Variants in SLC2A14 observed in about 807,000 individuals in gnomAD.
The protein encoded by SLC2A14 is solute carrier family 2, facilitated glucose transporter member 14.
In SLC2A14, 13 loss-of-function variants were observed where a neutral mutation model predicts 43.0. That is an observed-to-expected ratio of 0.30 (90% CI 0.20 to 0.48). The LOEUF (loss-of-function observed/expected upper bound fraction) is 0.48, where lower values mean the gene tolerates loss of function less well. Among genes scored for constraint, SLC2A14 ranks in the 20% least tolerant of loss-of-function variants. SLC2A14 has a pLI of 0.99. For synonymous variants in SLC2A14, 190 were observed against 233.8 expected, an observed-to-expected ratio of 0.81 and a Z score of 1.71; for missense variants, 428 against 620.4, an observed-to-expected ratio of 0.69 and a Z score of 3.29.
intron 7 of SLC2A14, among the ~76,000 whole-genome samples, chr12:7,822,830 C>T (rs1448607961): frequency 6.6e-6 from 1 of 152,132 alleles, no homozygotes; most frequent in Non-Finnish European, 1.5e-5. Flanking sequence ...TAGGCATGTG[C>T]CATCAGGCCC....
upstream of SLC2A14, among the ~76,000 whole-genome samples, chr12:7,876,280 C>CAAAA (rs59935166): frequency 9.5e-4 from 65 of 68,190 alleles, 1 homozygote; most frequent in Non-Finnish European, 1.1e-3. Flanking sequence ...AACTCCATCT[C>CAAAA]AAAAAAAAAA....
chr12:7,870,678 C>T (rs1945174152), intron 1 of SLC2A14, among the ~76,000 whole-genome samples: 1 of 152,104 alleles, frequency 6.6e-6, no homozygotes, highest in Admixed American at 6.6e-5. Context: ...GTTCCTGTAT[C>T]AGCTAGTTCT....
At chr12:7,834,008 T>C (rs932172338) in intron 2 of SLC2A14, among the ~76,000 whole-genome samples, 2 of 151,754 alleles carry the variant, frequency 1.3e-5, no homozygotes, top group African/African-American at 4.8e-5. Context: ...TCAGACAGGG[T>C]AGACCACAGG....
intron 2 of SLC2A14, among the ~76,000 whole-genome samples, chr12:7,849,208 A>T (rs755655669): frequency 3.9e-4 from 59 of 152,172 alleles, no homozygotes; most frequent in Non-Finnish European, 6.3e-4. Flanking sequence ...ACATCTTGAT[A>T]AAAACATCCA....
intron 7 of SLC2A14, among the ~76,000 whole-genome samples, chr12:7,826,169 G>A (rs1864342135): frequency 6.6e-6 from 1 of 151,598 alleles, no homozygotes; most frequent in East Asian, 1.9e-4. Flanking sequence ...TTTGAGACTG[G>A]GATTCATCAA....
chr12:7,865,390 C>T (rs746762324), intron 2 of SLC2A14, among the ~76,000 whole-genome samples: 11 of 151,796 alleles, frequency 7.2e-5, no homozygotes, highest in Non-Finnish European at 1.5e-4. Context: ...ACAAAATATT[C>T]GCCGGGCGTG....
chr12:7,883,293 A>T (rs1480981759), intron 1 of SLC2A14, among the ~76,000 whole-genome samples: 31 of 93,374 alleles, frequency 3.3e-4, no homozygotes, highest in East Asian at 4.3e-4. Flanking sequence ...TTTGAGATGG[A>T]GTCTTGCTTT....
chr12:7,834,812 C>T (rs1375846042), intron 2 of SLC2A14, among the ~76,000 whole-genome samples: 1 of 152,166 alleles, frequency 6.6e-6, no homozygotes, highest in Non-Finnish European at 1.5e-5. Context: ...CAGTTCTGCA[C>T]TGGGCTGGCC....
chr12:7,862,264 C>CA (rs71038792), intron 2 of SLC2A14, among the ~76,000 whole-genome samples: 21,188 of 58,588 alleles, frequency 0.36, 3,896 homozygotes, highest in Non-Finnish European at 0.4. Flanking sequence ...ACTTGTCTCT[C>CA]AAAAAAAAAA....
At chr12:7,846,242 G>A (rs187945594) in intron 2 of SLC2A14, among the ~76,000 whole-genome samples, 54 of 152,014 alleles carry the variant, frequency 3.6e-4, no homozygotes, top group African/African-American at 1.2e-3. Flanking sequence ...CAAAGGAAAC[G>A]GTGGAAAAAG....
rs10744084 is a variant in SLC2A14 at position 7,882,590 on chromosome 12, T to G, written c.132+8406A>C. Among the ~76,000 whole-genome samples the G allele has an allele frequency of 2.0e-5, 3 of 151,884 alleles. No individual in the cohort carries two copies. In the East Asian group the frequency reaches 5.8e-4, roughly 29 times the overall value. ...GCTCACACTTGTGATCTCAGCACTCTGGGAGGCTGAGGCAGGCACGTGGAT... is the reference window on the plus strand; with the variant it reads ...GCTCACACTTGTGATCTCAGCACTCGGGGAGGCTGAGGCAGGCACGTGGAT... On this transcript the variant is annotated intron_variant, in intron 1 of 9. Transcript: ENST00000539924.
At chr12:7,838,295 C>T (rs1467214150) in intron 2 of SLC2A14, among the ~76,000 whole-genome samples, 9 of 150,056 alleles carry the variant, frequency 6.0e-5, no homozygotes, top group Non-Finnish European at 1.2e-4. Flanking sequence ...ACCATATTGG[C>T]CAGGCTGGTC....
At chr12:7,848,859 T>A (rs1866689974) in intron 2 of SLC2A14, among the ~76,000 whole-genome samples, 1 of 148,214 alleles carries the variant, frequency 6.7e-6, no homozygotes, top group Admixed American at 6.8e-5. Flanking sequence ...CCCGGCCTCT[T>A]TTTTTTTCTT....
chr12:7,826,909 C>CTCTT (rs1864471276), intron 7 of SLC2A14, among the ~76,000 whole-genome samples: 1 of 81,174 alleles, frequency 1.2e-5, no homozygotes, highest in African/African-American at 5.8e-5. Context: ...TTCTTTCTTT[C>CTCTT]TTTCTTTTTC....
chr12:7,868,564 T>C (rs1475535333), intron 2 of SLC2A14, among the ~76,000 whole-genome samples: 1 of 152,180 alleles, frequency 6.6e-6, no homozygotes, highest in Non-Finnish European at 1.5e-5. Flanking sequence ...AGGGTAGTCA[T>C]AGGCACCAAG....
rs796970695 is a variant in SLC2A14, at chr12:7,840,661, C to T, written c.19-7847G>A. ...TGGGCCTCCCAAGGTGCTGGGATTA[C>T]GGGCGTGAGGCACTGCGCCTTGCCT... is the stretch of plus-strand genomic sequence containing the variant. On this transcript the variant is annotated intron_variant, in intron 2 of 10. Transcript: ENST00000431042. Among the ~76,000 whole-genome samples, 20 of 152,306 alleles carry T rather than the reference C, an allele frequency of 1.3e-4. No individual in the cohort carries two copies. In the East Asian group the frequency reaches 2.1e-3, roughly 16 times the overall value.
At chr12:7,889,249 T>TTTTG (rs1945737679) in intron 1 of SLC2A14, among the ~76,000 whole-genome samples, 2 of 150,990 alleles carry the variant, frequency 1.3e-5, no homozygotes, top group South Asian at 4.2e-4. Flanking sequence ...TTTTTTTTTT[T>TTTTG]TAAGACTGAG....
upstream of SLC2A14, among the ~76,000 whole-genome samples, chr12:7,877,004 T>C (rs867889083): frequency 9.2e-5 from 13 of 141,562 alleles, no homozygotes; most frequent in Non-Finnish European, 1.5e-4. Flanking sequence ...TAATTTTTTT[T>C]CTTTTTTTTT....
chr12:7,833,763 C>T (rs1467035753), intron 2 of SLC2A14, among the ~76,000 whole-genome samples: 3 of 139,488 alleles, frequency 2.2e-5, no homozygotes, highest in Non-Finnish European at 4.6e-5. Flanking sequence ...ACCTGGGCAA[C>T]AGAGCAAGAC....
Sources: allele counts gnomAD v4.1 joint callset (sites outside exome capture counted in the v4.1 genomes callset), GRCh38; gene constraint gnomAD v4.1.1; transcripts MANE v1.5; gene names NCBI Gene and HGNC (gene_info 2026-07-23, HGNC 2026-07-21).